Variants in NEK11 observed in about 807,000 individuals in gnomAD.
NEK11 encodes serine/threonine-protein kinase Nek11.
Under a neutral mutation model 80.7 loss-of-function variants are expected in NEK11, and 72 were observed. The observed-to-expected ratio is 0.89, with a 90% CI of 0.74 to 1.08. The LOEUF (loss-of-function observed/expected upper bound fraction) is 1.08, where lower values mean the gene tolerates loss of function less well. NEK11 is among the 50% of genes least tolerant of loss of function. The pLI is 0.00. For missense variants in NEK11, 764 were observed against 763.6 expected, an observed-to-expected ratio of 1.00 and a Z score of -0.01; for synonymous variants, 251 against 260.7, an observed-to-expected ratio of 0.96 and a Z score of 0.36.
chr3:131,340,852 T>A (rs909264638), intron 17 of NEK11, among the ~76,000 whole-genome samples: 9 of 151,858 alleles, frequency 5.9e-5, no homozygotes, highest in Admixed American at 4.6e-4. Context: ...TGTTTGACAA[T>A]CCCTAAAAAA....
chr3:131,137,818 A>C (rs138868724), intron 7 of NEK11, among the ~76,000 whole-genome samples: 3 of 152,300 alleles, frequency 2.0e-5, no homozygotes, highest in African/African-American at 7.2e-5. Flanking sequence ...TAAGGGCCCC[A>C]CTGATCATGC....
chr3:131,186,213 A>T (rs2093594035), intron 14 of NEK11, among the ~76,000 whole-genome samples: 1 of 152,198 alleles, frequency 6.6e-6, no homozygotes, highest in African/African-American at 2.4e-5. Flanking sequence ...AAACACCTTC[A>T]CTATATGAAT....
intron 4 of NEK11, among the ~76,000 whole-genome samples, chr3:131,084,308 C>T (rs1333539717): frequency 6.6e-6 from 1 of 152,230 alleles, no homozygotes; most frequent in African/African-American, 2.4e-5. Context: ...AAGAAGTTAG[C>T]ACTCAAGATA....
intron 14 of NEK11, among the ~76,000 whole-genome samples, chr3:131,225,568 A>G (rs575630254): frequency 6.6e-6 from 1 of 152,328 alleles, no homozygotes; most frequent in Non-Finnish European, 1.5e-5. Context: ...TATCATCTTT[A>G]TTTTATAGAT....
At chr3:131,296,828 C>G (rs1206339357) in intron 17 of NEK11, among the ~76,000 whole-genome samples, 6 of 151,332 alleles carry the variant, frequency 4.0e-5, no homozygotes, top group Non-Finnish European at 8.8e-5. Flanking sequence ...CACCCCACAA[C>G]AGTCCCCAGA....
intron 14 of NEK11, among the ~76,000 whole-genome samples, chr3:131,183,726 A>C (rs2093474121): frequency 6.6e-6 from 1 of 152,168 alleles, no homozygotes; most frequent in Admixed American, 6.5e-5. Flanking sequence ...TGCTATTGTG[A>C]ATAGTGCTGC....
chr3:131,247,037 G>A, intron 16 of NEK11, among the ~76,000 whole-genome samples: 1 of 152,040 alleles, frequency 6.6e-6, no homozygotes, highest in East Asian at 1.9e-4. Flanking sequence ...TGGATGTATA[G>A]ATTGTAAAGG....
chr3:131,174,866 C>G (rs1671129868), intron 14 of NEK11: 10 of 1,553,430 alleles, frequency 6.4e-6, no homozygotes, highest in Non-Finnish European at 8.7e-6. Context: ...CCTACCCCAC[C>G]ATTCAGATGT....
At chr3:131,095,862 AT>A (rs1475204865) in intron 4 of NEK11, among the ~76,000 whole-genome samples, 2 of 152,216 alleles carry the variant, frequency 1.3e-5, no homozygotes, top group African/African-American at 4.8e-5. Flanking sequence ...TGGTTAAAAA[AT>A]GTCAAAGGGT....
At chr3:131,153,645 A>G (rs2090108837) in intron 9 of NEK11, among the ~76,000 whole-genome samples, 1 of 152,188 alleles carries the variant, frequency 6.6e-6, no homozygotes, top group South Asian at 2.1e-4. Flanking sequence ...TCAGTGGGGC[A>G]TGTTCCAAAC....
chr3:131,335,619 G>T (rs1424223221), intron 17 of NEK11, among the ~76,000 whole-genome samples: 1 of 152,006 alleles, frequency 6.6e-6, no homozygotes, highest in Non-Finnish European at 1.5e-5. Context: ...TCTGGCCAGG[G>T]CAATTAGGCA....
intron 14 of NEK11, among the ~76,000 whole-genome samples, chr3:131,213,515 TACA>T (rs1421257736): frequency 6.6e-6 from 1 of 152,100 alleles, no homozygotes; most frequent in Admixed American, 6.6e-5. Flanking sequence ...AATGAGAAAA[TACA>T]ACGAGAAAAA....
intron 14 of NEK11, among the ~76,000 whole-genome samples, chr3:131,216,800 T>C (rs1305754340): frequency 6.6e-6 from 1 of 152,234 alleles, no homozygotes; most frequent in East Asian, 1.9e-4. Flanking sequence ...TCTTAGCAAA[T>C]ATGCTGCTGC....
At chr3:131,100,516 G>A (rs1307725960) in intron 4 of NEK11, among the ~76,000 whole-genome samples, 1 of 152,170 alleles carries the variant, frequency 6.6e-6, no homozygotes, top group East Asian at 1.9e-4. Context: ...GTTGCAATGA[G>A]CTGAGATCAT....
chr3:131,195,952 T>G (rs929160120), intron 14 of NEK11, among the ~76,000 whole-genome samples: 2 of 151,340 alleles, frequency 1.3e-5, no homozygotes, highest in Non-Finnish European at 2.9e-5. Context: ...CGATAAATAC[T>G]TGCTTAATGA....
At chr3:131,152,783 C>A in intron 9 of NEK11, 74 bp downstream of exon 9, 2 of 1,038,078 alleles carry the variant, frequency 1.9e-6, no homozygotes, top group South Asian at 1.4e-5. Context: ...TGAAGATATG[C>A]AGTGGGGATA....
chr3:131,314,795 C>T (rs1005016047), intron 17 of NEK11, among the ~76,000 whole-genome samples: 1 of 152,210 alleles, frequency 6.6e-6, no homozygotes. Flanking sequence ...TGTCCTGGGA[C>T]AAGCCTTTCT....
At chr3:131,207,889 C>T (rs1444038992) in intron 14 of NEK11, among the ~76,000 whole-genome samples, 2 of 152,142 alleles carry the variant, frequency 1.3e-5, no homozygotes, top group Non-Finnish European at 2.9e-5. Flanking sequence ...GGGTAGATTG[C>T]AAAAATTTTC....
intron 16 of NEK11, among the ~76,000 whole-genome samples, chr3:131,244,205 G>T (rs1388799211): frequency 6.6e-6 from 1 of 151,940 alleles, no homozygotes; most frequent in African/African-American, 2.4e-5. Flanking sequence ...AAACAATTAA[G>T]TTTTCAGGTG....
Sources: gnomAD v4.1 joint callset for allele counts (sites outside exome capture counted in the v4.1 genomes callset) on GRCh38, gnomAD v4.1.1 for gene constraint, MANE v1.5 for transcripts, NCBI Gene and HGNC (gene_info 2026-07-23, HGNC 2026-07-21) for gene names.